Variants in APBB2 observed in about 807,000 individuals in gnomAD.
The protein encoded by APBB2 is amyloid beta precursor protein binding family B member 2, also known as Fe65-like 1.
In APBB2, 38 loss-of-function variants were observed where a neutral mutation model predicts 82.5. The ratio of observed to expected loss-of-function variants is 0.46; its 90% CI spans 0.36 to 0.60. The LOEUF (loss-of-function observed/expected upper bound fraction) is 0.60. Among genes scored for constraint, APBB2 ranks in the 20% least tolerant of loss-of-function variants. The pLI, the probability that APBB2 is intolerant of heterozygous loss-of-function variation, is 0.00. For missense variants in APBB2, 772 were observed against 972.3 expected (o/e 0.79, Z 2.74); for synonymous variants, 341 against 368.2 (o/e 0.93, Z 0.85).
chr4:40,966,556 C>G (rs187291266), intron 6 of APBB2, among the ~76,000 whole-genome samples: 283 of 152,340 alleles, frequency 1.9e-3, no homozygotes, highest in African/African-American at 6.4e-3. Flanking sequence ...AGCCCCCTGC[C>G]CCTGCAGGCT....
chr4:40,939,070 T>A (rs780633726), intron 7 of APBB2, among the ~76,000 whole-genome samples: 5 of 151,878 alleles, frequency 3.3e-5, no homozygotes, highest in Non-Finnish European at 7.4e-5. Context: ...CTGCAGAGAG[T>A]CCCCACCAGG....
intron 1 of APBB2, among the ~76,000 whole-genome samples, chr4:41,167,133 C>T (rs13110481): frequency 0.2 from 30,505 of 152,080 alleles, 3,196 homozygotes; most frequent in East Asian, 0.31. Context: ...AACTCATGAA[C>T]AGTCAAATGG....
intron 1 of APBB2, among the ~76,000 whole-genome samples, chr4:41,168,373 A>T (rs865803303): frequency 5.9e-5 from 9 of 151,494 alleles, no homozygotes; most frequent in East Asian, 1.9e-4. Flanking sequence ...TTAATTATTT[A>T]TTTATTTTTT....
At chr4:41,018,628 C>T (rs1324887273) in intron 5 of APBB2, among the ~76,000 whole-genome samples, 1 of 152,062 alleles carries the variant, frequency 6.6e-6, no homozygotes, top group Non-Finnish European at 1.5e-5. Context: ...GAGCCTTTTT[C>T]CTCTAGTATA....
rs1288700651 is a variant in APBB2, at chr4:41,207,308, C to CCATGAG, written c.-417+7091_-417+7096dup. Among the ~76,000 whole-genome samples, 10 of 152,036 alleles carry CCATGAG rather than the reference C, an allele frequency of 6.6e-5. No individual in the cohort carries two copies. The East Asian group carries it at 1.9e-3, about 29-fold the overall frequency. On this transcript the variant is annotated intron_variant, in intron 1 of 17. Coordinates refer to ENST00000508593, the MANE Select transcript of APBB2 (RefSeq NM_004307.2). ...AAACTAAAGGTGAATAACAGCAATTCCATGAGCAAATCATTCTGAAGCTTC... is the reference window on the plus strand; with the variant it reads ...AAACTAAAGGTGAATAACAGCAATTCCATGAGCATGAGCAAATCATTCTGAAGCTTC...
intron 12 of APBB2, among the ~76,000 whole-genome samples, chr4:40,883,416 G>A (rs890008747): frequency 2.0e-5 from 3 of 151,994 alleles, no homozygotes; most frequent in Admixed American, 6.5e-5. Context: ...GCGAAACCCC[G>A]CCTCTACTAA....
At chr4:40,950,901 CA>C (rs1471502929) in intron 6 of APBB2, among the ~76,000 whole-genome samples, 1 of 151,842 alleles carries the variant, frequency 6.6e-6, no homozygotes, top group Non-Finnish European at 1.5e-5. Flanking sequence ...GAATAAATTA[CA>C]GCAGAATAAA....
chr4:40,850,114 G>T (rs77472009), intron 12 of APBB2, among the ~76,000 whole-genome samples: 4 of 152,000 alleles, frequency 2.6e-5, no homozygotes, highest in African/African-American at 9.7e-5. Flanking sequence ...TTTAAAAAAC[G>T]AAAACCACAA....
At chr4:40,994,177 C>G (rs1802957849) in intron 6 of APBB2, among the ~76,000 whole-genome samples, 1 of 151,872 alleles carries the variant, frequency 6.6e-6, no homozygotes, top group Admixed American at 6.6e-5. Flanking sequence ...GTCCCAGCTA[C>G]TCGGGAGGCT....
chr4:41,066,407 C>CATGCT (rs1731832164), intron 3 of APBB2, among the ~76,000 whole-genome samples: 1 of 152,162 alleles, frequency 6.6e-6, no homozygotes, highest in Admixed American at 6.5e-5. Context: ...CACCCAGCAC[C>CATGCT]ATGCTAAGCA....
intron 3 of APBB2, among the ~76,000 whole-genome samples, chr4:41,091,114 T>C (rs1219803047): frequency 6.6e-6 from 1 of 152,196 alleles, no homozygotes; most frequent in Non-Finnish European, 1.5e-5. Context: ...CCCCCATCTA[T>C]GAGGTTCCTC....
chr4:40,970,705 T>C (rs1795735240), intron 6 of APBB2, among the ~76,000 whole-genome samples: 1 of 152,028 alleles, frequency 6.6e-6, no homozygotes, highest in African/African-American at 2.4e-5. Context: ...CACTGGTAGG[T>C]AGAGGCCAGG....
chr4:40,935,761 CTTTT>C (rs779166685), intron 7 of APBB2: 1 of 146,554 alleles, frequency 6.8e-6, no homozygotes, highest in African/African-American at 2.5e-5. Flanking sequence ...AAAAGCTCTA[CTTTT>C]TTTTTTTTGC....
chr4:41,198,822 C>T (rs747133902), intron 1 of APBB2, among the ~76,000 whole-genome samples: 102 of 152,284 alleles, frequency 6.7e-4, no homozygotes, highest in Middle Eastern at 6.8e-3. Flanking sequence ...CCGGTAGCCC[C>T]AAGCATCCCT....
intron 3 of APBB2, among the ~76,000 whole-genome samples, chr4:41,099,021 A>AT (rs1031241129): frequency 5.3e-5 from 8 of 150,298 alleles, no homozygotes; most frequent in Non-Finnish European, 1.2e-4. Flanking sequence ...ACAAATTTCT[A>AT]TTTTTTTTTT....
intron 3 of APBB2, among the ~76,000 whole-genome samples, chr4:41,099,768 T>C (rs1744735740): frequency 6.6e-6 from 1 of 152,180 alleles, no homozygotes; most frequent in Admixed American, 6.5e-5. Context: ...ACACAAAGCA[T>C]AGGAAGTTTA....
chr4:41,052,741 C>G (rs1276112423), intron 4 of APBB2, among the ~76,000 whole-genome samples: 1 of 151,498 alleles, frequency 6.6e-6, no homozygotes, highest in Non-Finnish European at 1.5e-5. Context: ...GTTTCTCGTT[C>G]CTTTGGGACA....
At chr4:40,819,479 C>A (rs2437301) in intron 17 of APBB2, among the ~76,000 whole-genome samples, 34,146 of 151,960 alleles carry the variant, frequency 0.22, 4,338 homozygotes, top group Non-Finnish European at 0.29. Context: ...AGCTACTGTG[C>A]CCAGCCTCCT....
intron 1 of APBB2, among the ~76,000 whole-genome samples, chr4:41,155,689 T>C (rs775407591): frequency 2.0e-5 from 3 of 152,216 alleles, no homozygotes; most frequent in Non-Finnish European, 4.4e-5. Context: ...TTTCATGGAA[T>C]AACATTCCTA....
Sources: gnomAD v4.1 joint callset for allele counts (sites outside exome capture counted in the v4.1 genomes callset) on GRCh38, gnomAD v4.1.1 for gene constraint, MANE v1.5 for transcripts, NCBI Gene and HGNC (gene_info 2026-07-23, HGNC 2026-07-21) for gene names.